Variants in ENTPD4 observed in about 807,000 individuals in gnomAD.
ENTPD4 encodes ectonucleoside triphosphate diphosphohydrolase 4.
Under a neutral mutation model 79.1 loss-of-function variants are expected in ENTPD4, and 60 were observed. That is an observed-to-expected ratio of 0.76 (90% CI 0.62 to 0.94). The LOEUF (loss-of-function observed/expected upper bound fraction) is 0.94. Ranked by LOEUF, ENTPD4 falls within the 40% of genes least tolerant of loss-of-function variation. The pLI is 0.00. For missense variants in ENTPD4, 772 were observed against 775.1 expected (o/e 1.00, Z 0.05); for synonymous variants, 276 against 292.0 (o/e 0.95, Z 0.56).
Position 23,442,012 on chromosome 8 carries a change from T to C in ENTPD4, c.722A>G (p.Glu241Gly), listed in dbSNP as rs773936418. 2 of 1,612,844 alleles carry C rather than the reference T, an allele frequency of 1.2e-6. No homozygotes were observed. The highest frequency in any genetic ancestry group is 1.7e-5 in the Admixed American group (1 of 60,028). The change falls in exon 7 of 13, where the codon GAA becomes GGA. Residue 241 changes from glutamate (E) to glycine (G), a missense_variant. Transcript: ENST00000358689. Reference sequence around the variant, plus strand: ...GTTGGAACCATGACACTTACCATCTTCAATATGCTCAAATCGTCCAAGGAC... The same window carrying C: ...GTTGGAACCATGACACTTACCATCTCCAATATGCTCAAATCGTCCAAGGAC... Reference protein sequence around the residue: ...NFVLGRFEHIEDDDEAVVEVN... With the variant: ...NFVLGRFEHIGDDDEAVVEVN...
At chr8:23,437,374 C>T (rs1237489147) in intron 9 of ENTPD4, 116 bp from the exon 10 acceptor site, 10 of 712,098 alleles carry the variant, frequency 1.4e-5, no homozygotes, top group African/African-American at 7.2e-5. Context: ...CCTGCAGGAC[C>T]GTGTCTGTGG....
In ENTPD4 at chr8:23,436,918, C is replaced by T. The variant is rs775405128; in HGVS notation, c.1374+16G>A. 5.9e-5 allele frequency: 91 copies of T among 1,555,128 alleles called. No homozygotes were observed. Among genetic ancestry groups the T allele is most frequent in the Non-Finnish European group, 6.5e-5 (75 of 1,149,248 alleles). On this transcript the variant is annotated intron_variant, in intron 10 of 12. Transcript: ENST00000358689. ...TCTCAAAAGCATGCAGAGCAGACGG[C>T]GTCTCTCAAGGGTACCTTTGCAGCT...
chr8:23,444,698 C>T, intron 4 of ENTPD4, 92 bp from the exon 5 acceptor site: 1 of 1,080,490 alleles, frequency 9.3e-7, no homozygotes, highest in Admixed American at 1.9e-5. Flanking sequence ...GGAAATCATG[C>T]TACACATTAC....
chr8:23,433,225 G>C, intron 12 of ENTPD4, 71 bp from the exon 13 acceptor site: 1 of 1,338,932 alleles, frequency 7.5e-7, no homozygotes. Flanking sequence ...TGCACAGGGG[G>C]ACGGCGGGAC....
intron 7 of ENTPD4, 124 bp from the exon 8 acceptor site, chr8:23,441,847 C>G (rs1461381721): frequency 3.3e-5 from 40 of 1,205,486 alleles, no homozygotes; most frequent in Non-Finnish European, 4.5e-5. Flanking sequence ...CTACTCCTCC[C>G]AACTAAAATC....
chr8:23,437,382 T>A, intron 9 of ENTPD4, 124 bp from the exon 10 acceptor site: 1 of 680,696 alleles, frequency 1.5e-6, no homozygotes, highest in East Asian at 2.7e-5. Context: ...ACCGTGTCTG[T>A]GGAACAGAAA....
At chr8:23,437,504 C>T (rs933650341) in intron 9 of ENTPD4, among the ~76,000 whole-genome samples, 9 of 152,232 alleles carry the variant, frequency 5.9e-5, no homozygotes, top group Middle Eastern at 3.4e-3. Flanking sequence ...GGATAACCTA[C>T]CCGATTAGCC....
chr8:23,448,019 G>A (rs545082082), intron 3 of ENTPD4, 134 bp from the exon 4 acceptor site: 4 of 663,282 alleles, frequency 6.0e-6, no homozygotes, highest in African/African-American at 3.6e-5. Context: ...CAATACAACT[G>A]TTGAATAATT....
In ENTPD4 at chr8:23,436,916, G is replaced by A. The variant is rs1180888878; in HGVS notation, c.1374+18C>T. On this transcript the variant is annotated intron_variant, in intron 10 of 12. Transcript: ENST00000358689. ...TCTCTCAAAAGCATGCAGAGCAGAC[G>A]GCGTCTCTCAAGGGTACCTTTGCAG... 5.8e-6 allele frequency: 9 copies of A among 1,553,340 alleles called. No individual in the cohort carries two copies. The highest frequency in any genetic ancestry group is 2.2e-5 in the East Asian group (1 of 44,474).
Position 23,447,892 on chromosome 8 carries a change from T to A in ENTPD4, c.207-7A>T. 6.2e-7 allele frequency: 1 copy of A among 1,611,296 alleles called. No individual in the cohort carries two copies. The highest frequency in any genetic ancestry group is 1.7e-4 in the Middle Eastern group (1 of 6,058). Reference sequence around the variant, plus strand: ...GGTAACTCGTGCCAGGTACCTTGTATAGAAACACACGTATGCTTTGATTTA... The same window carrying A: ...GGTAACTCGTGCCAGGTACCTTGTAAAGAAACACACGTATGCTTTGATTTA... On this transcript the variant is annotated splice_polypyrimidine_tract_variant and splice_region_variant and intron_variant, in intron 3 of 12. Transcript: ENST00000358689.
At chr8:23,457,089 C>A (rs954370477) in intron 1 of ENTPD4, among the ~76,000 whole-genome samples, 1 of 152,224 alleles carries the variant, frequency 6.6e-6, no homozygotes, top group East Asian at 1.9e-4. Flanking sequence ...CACTTTACTG[C>A]CCAATAAGCT....
intron 1 of ENTPD4, among the ~76,000 whole-genome samples, chr8:23,451,939 T>C (rs900649069): frequency 6.6e-6 from 1 of 152,238 alleles, no homozygotes; most frequent in African/African-American, 2.4e-5. Flanking sequence ...ATTTATTAAA[T>C]GCTTTTATAG....
Position 23,433,087 on chromosome 8 carries a change from G to A in ENTPD4, c.1690C>T (p.His564Tyr). 1.9e-6 allele frequency: 3 copies of A among 1,614,170 alleles called. No individual in the cohort carries two copies. The highest frequency in any genetic ancestry group is 2.5e-6 in the Non-Finnish European group (3 of 1,180,028). Reference sequence around the variant, plus strand: ...AGGAAGCAGCCAGAGAACAGGTAGTGGTTGTAGACAAAGGAAACGCCCCGC... The same window carrying A: ...AGGAAGCAGCCAGAGAACAGGTAGTAGTTGTAGACAAAGGAAACGCCCCGC... ...HWRGVSFVYN[H>Y]YLFSGCFLVV... is the part of the protein sequence containing the mutation. The change falls in exon 13 of 13, where the codon CAC (histidine) becomes TAC (tyrosine). Residue 564 changes from histidine (H) to tyrosine (Y), a missense_variant. Coordinates refer to ENST00000358689, the MANE Select transcript of ENTPD4 (RefSeq NM_004901.5).
At chr8:23,448,251 T>C (rs1470700452) in intron 3 of ENTPD4, among the ~76,000 whole-genome samples, 1 of 152,212 alleles carries the variant, frequency 6.6e-6, no homozygotes, top group Non-Finnish European at 1.5e-5. Context: ...GTTAACTAGC[T>C]TCAAATGGTT....
chr8:23,449,777 C>T, intron 2 of ENTPD4, 116 bp downstream of exon 2: 1 of 925,174 alleles, frequency 1.1e-6, no homozygotes, highest in Non-Finnish European at 1.8e-6. Flanking sequence ...AGGTCTTAAA[C>T]AGAAGCACAG....
intron 1 of ENTPD4, among the ~76,000 whole-genome samples, chr8:23,453,045 G>A (rs1375042658): frequency 6.6e-6 from 1 of 152,134 alleles, no homozygotes; most frequent in African/African-American, 2.4e-5. Context: ...GCTGGAAATG[G>A]GAGACACAAA....
chr8:23,441,450 G>C, intron 8 of ENTPD4, 119 bp downstream of exon 8: 1 of 1,504,906 alleles, frequency 6.6e-7, no homozygotes, highest in East Asian at 2.3e-5. Flanking sequence ...TGGGTTGAGA[G>C]GCGGCACCTC....
chr8:23,447,991 G>T, intron 3 of ENTPD4, 106 bp from the exon 4 acceptor site: 1 of 819,430 alleles, frequency 1.2e-6, no homozygotes. Context: ...AAGCTATGTA[G>T]CAGCACCACT....
chr8:23,440,079 G>C (rs995624293), intron 8 of ENTPD4, 164 bp from the exon 9 acceptor site: 1 of 564,970 alleles, frequency 1.8e-6, no homozygotes, highest in Non-Finnish European at 3.0e-6. Flanking sequence ...TGACAATTCT[G>C]ATTTAGGAAA....
Sources: gnomAD v4.1 joint callset for allele counts (sites outside exome capture counted in the v4.1 genomes callset) on GRCh38, gnomAD v4.1.1 for gene constraint, MANE v1.5 for transcripts, NCBI Gene and HGNC (gene_info 2026-07-23, HGNC 2026-07-21) for gene names.